The following POU2F1 variants were observed in gnomAD, a reference collection of about 807,000 sequenced individuals.
The protein encoded by POU2F1 is POU class 2 homeobox 1, also known as POU domain, class 2, transcription factor 1.
POU2F1 carries 16 observed loss-of-function variants against 84.9 expected under a neutral mutation model. That is an observed-to-expected ratio of 0.19 (90% confidence interval 0.13 to 0.29). POU2F1 has a LOEUF of 0.29. Ranked by LOEUF, POU2F1 falls within the 10% of genes least tolerant of loss-of-function variation. The pLI is 1.00. For synonymous variants in POU2F1, 368 were observed against 368.3 expected, an observed-to-expected ratio of 1.00 and a Z score of 0.01; for missense variants, 738 against 942.6, an observed-to-expected ratio of 0.78 and a Z score of 2.84.
intron 9 of POU2F1, among the ~76,000 whole-genome samples, chr1:167,392,572 G>A (rs1187605246): frequency 6.6e-6 from 1 of 152,128 alleles, no homozygotes. Flanking sequence ...TACTCAAATA[G>A]TGGTTTGCCT....
chr1:167,390,205 G>A (rs1648296415), intron 9 of POU2F1, among the ~76,000 whole-genome samples: 1 of 152,100 alleles, frequency 6.6e-6, no homozygotes, highest in Non-Finnish European at 1.5e-5. Flanking sequence ...CAGCCATGTT[G>A]TTTTTTGGTT....
At chr1:167,307,469 C>CAA (rs11354171) in intron 1 of POU2F1, among the ~76,000 whole-genome samples, 89 of 137,720 alleles carry the variant, frequency 6.5e-4, no homozygotes, top group African/African-American at 2.2e-3. Context: ...CTAGGATAAC[C>CAA]AAAAAAAAAA....
In POU2F1 at chr1:167,425,557, A is replaced by T. The variant is rs974479364; in HGVS notation, c.*9747A>T. The T allele has an allele frequency of 6.6e-6, 1 of 152,170 alleles. No homozygotes were observed. Among genetic ancestry groups the T allele is most frequent in the African/African-American group, 2.4e-5 (1 of 41,372 alleles). 9.4% of individuals were successfully genotyped at this position (152,170 alleles called of 1,614,324 possible). ...GATTTTCCAAAACAAAAGTCAAAAA[A>T]CCCCATCACCACCATCATCCACCCT... On this transcript the variant is annotated 3_prime_UTR_variant, in exon 16 of 16. Coordinates refer to ENST00000367866, the MANE Select transcript of POU2F1 (RefSeq NM_002697.4).
At chr1:167,257,266 G>A (rs565959027) in intron 1 of POU2F1, among the ~76,000 whole-genome samples, 2 of 152,192 alleles carry the variant, frequency 1.3e-5, no homozygotes, top group Non-Finnish European at 2.9e-5. Flanking sequence ...ATGTTCATGT[G>A]AGCATGAGGA....
intron 1 of POU2F1, among the ~76,000 whole-genome samples, chr1:167,303,166 T>C (rs1437746229): frequency 6.6e-6 from 1 of 151,928 alleles, no homozygotes; most frequent in Non-Finnish European, 1.5e-5. Flanking sequence ...GTTAGTGAAA[T>C]GCACCCTTTA....
At chr1:167,259,751 T>A (rs1651414402) in intron 1 of POU2F1, among the ~76,000 whole-genome samples, 1 of 152,192 alleles carries the variant, frequency 6.6e-6, no homozygotes, top group African/African-American at 2.4e-5. Context: ...TTGCACCACA[T>A]CTTTGCCAAG....
chr1:167,324,184 C>G (rs767274987), intron 1 of POU2F1, among the ~76,000 whole-genome samples: 1 of 152,044 alleles, frequency 6.6e-6, no homozygotes, highest in African/African-American at 2.4e-5. Flanking sequence ...AATAGAAAAG[C>G]ATTATGGACT....
At chr1:167,299,695 G>GTTTTTTGTTT (rs1553204500) in intron 1 of POU2F1, among the ~76,000 whole-genome samples, 1 of 139,346 alleles carries the variant, frequency 7.2e-6, no homozygotes, top group African/African-American at 2.8e-5. Flanking sequence ...GGAGACCAGA[G>GTTTTTTGTTT]TTTTTTTTTT....
intron 1 of POU2F1, among the ~76,000 whole-genome samples, chr1:167,242,936 C>A (rs927130488): frequency 3.9e-5 from 6 of 151,966 alleles, no homozygotes; most frequent in African/African-American, 1.5e-4. Flanking sequence ...CTCTCCCTCC[C>A]CCTCCTTCCA....
intron 1 of POU2F1, among the ~76,000 whole-genome samples, chr1:167,227,089 A>T (rs1557829694): frequency 6.6e-6 from 1 of 152,072 alleles, no homozygotes; most frequent in Non-Finnish European, 1.5e-5. Context: ...CCTGGCCCAG[A>T]TTTCTTTTAA....
chr1:167,328,878 CT>C (rs1306274632), intron 1 of POU2F1, among the ~76,000 whole-genome samples: 1 of 152,162 alleles, frequency 6.6e-6, no homozygotes, highest in Non-Finnish European at 1.5e-5. Context: ...GGCTGCTGTG[CT>C]AACGAGGAGA....
intron 1 of POU2F1, among the ~76,000 whole-genome samples, chr1:167,269,162 G>A (rs1284864267): frequency 6.6e-6 from 1 of 152,132 alleles, no homozygotes; most frequent in Non-Finnish European, 1.5e-5. Flanking sequence ...CAAGCTTTAA[G>A]TGGGAAATTA....
intron 1 of POU2F1, among the ~76,000 whole-genome samples, chr1:167,238,141 C>T (rs372610097): frequency 6.6e-6 from 1 of 151,532 alleles, no homozygotes; most frequent in Non-Finnish European, 1.5e-5. Context: ...TTTTCTGATC[C>T]CTTAAATTAA....
At chr1:167,335,090 T>C (rs569613808) in intron 2 of POU2F1, among the ~76,000 whole-genome samples, 1 of 152,344 alleles carries the variant, frequency 6.6e-6, no homozygotes, top group African/African-American at 2.4e-5. Context: ...GCACTTTTTG[T>C]CAAATAGTCC....
chr1:167,358,013 A>G lies in POU2F1; in HGVS notation c.128-7454A>G, dbSNP rs550983334. Among the ~76,000 whole-genome samples the G allele has an allele frequency of 1.4e-3, 220 of 151,790 alleles. 2 individuals are homozygous for G. The highest frequency in any genetic ancestry group is 3.1e-3 in the South Asian group (15 of 4,804). On this transcript the variant is annotated intron_variant, in intron 2 of 15. Transcript: ENST00000367866. ...GAGATGGGGTTTCACCGTGTTGGCCAGGATGGTCTCGATCTCTTGACCTCG... is the reference window on the plus strand; with the variant it reads ...GAGATGGGGTTTCACCGTGTTGGCCGGGATGGTCTCGATCTCTTGACCTCG...
intron 1 of POU2F1, 138 bp downstream of exon 1, chr1:167,221,096 T>C: frequency 1.2e-6 from 1 of 827,190 alleles, no homozygotes; most frequent in Non-Finnish European, 1.9e-6. Flanking sequence ...CCGGGGAGCA[T>C]TGAGCCCCCG....
At chr1:167,265,650 A>C (rs1557856361) in intron 1 of POU2F1, among the ~76,000 whole-genome samples, 1 of 152,194 alleles carries the variant, frequency 6.6e-6, no homozygotes, top group Non-Finnish European at 1.5e-5. Context: ...GAGTACTCTT[A>C]GGGTTGTGGT....
intron 7 of POU2F1, chr1:167,381,057 A>T (rs1311030333): frequency 6.6e-6 from 1 of 152,032 alleles, no homozygotes; most frequent in Non-Finnish European, 1.5e-5. Flanking sequence ...TTCATTGTTT[A>T]GGTAAGGGAA....
chr1:167,311,084 A>G (rs1655435779), intron 1 of POU2F1, among the ~76,000 whole-genome samples: 1 of 152,074 alleles, frequency 6.6e-6, no homozygotes, highest in Non-Finnish European at 1.5e-5. Flanking sequence ...CTGACTGAAA[A>G]CTCCCCAAAT....
Sources: gnomAD v4.1 joint callset for allele counts (sites outside exome capture counted in the v4.1 genomes callset) on GRCh38, gnomAD v4.1.1 for gene constraint, MANE v1.5 for transcripts, NCBI Gene and HGNC (gene_info 2026-07-23, HGNC 2026-07-21) for gene names.